DENND1A: variants seen among roughly 807,000 people sequenced by gnomAD.
DENND1A encodes DENN domain containing 1A.
Under a neutral mutation model 113.7 loss-of-function variants are expected in DENND1A, and 51 were observed. That is an observed-to-expected ratio of 0.45 (90% CI 0.36 to 0.57). The LOEUF (loss-of-function observed/expected upper bound fraction) is 0.57. DENND1A is among the 20% of genes least tolerant of loss of function. DENND1A has a pLI of 0.00. For missense variants in DENND1A, 1,258 were observed against 1,395.9 expected, an observed-to-expected ratio of 0.90 and a Z score of 1.57; for synonymous variants, 565 against 570.8, an observed-to-expected ratio of 0.99 and a Z score of 0.14.
At chr9:123,775,717 A>G (rs1332610749) in intron 3 of DENND1A, among the ~76,000 whole-genome samples, 1 of 152,118 alleles carries the variant, frequency 6.6e-6, no homozygotes, top group Non-Finnish European at 1.5e-5. Context: ...TTGTGCCTCT[A>G]TTTCTTAGAA....
At chr9:123,906,348 A>G (rs1216334175) in intron 1 of DENND1A, among the ~76,000 whole-genome samples, 1 of 131,770 alleles carries the variant, frequency 7.6e-6, no homozygotes, top group Non-Finnish European at 1.5e-5. Flanking sequence ...GGCAAGAAAT[A>G]ACTAAAATCA....
intron 19 of DENND1A, among the ~76,000 whole-genome samples, chr9:123,421,371 C>T (rs867958063): frequency 1.1e-4 from 16 of 152,028 alleles, no homozygotes; most frequent in African/African-American, 2.9e-4. Context: ...AGCCCAAGTA[C>T]GCCTGACTCC....
At chr9:123,819,975 T>G (rs1370445040) in intron 2 of DENND1A, among the ~76,000 whole-genome samples, 1 of 152,156 alleles carries the variant, frequency 6.6e-6, no homozygotes, top group Non-Finnish European at 1.5e-5. Context: ...TAAATGACAC[T>G]ATTTGGAGAT....
At chr9:123,653,009 T>C (rs2062741652) in intron 8 of DENND1A, among the ~76,000 whole-genome samples, 1 of 152,182 alleles carries the variant, frequency 6.6e-6, no homozygotes, top group South Asian at 2.1e-4. Flanking sequence ...TTCAATGCCA[T>C]ACAATATAAT....
intron 8 of DENND1A, among the ~76,000 whole-genome samples, chr9:123,661,266 C>G (rs186822297): frequency 1.3e-5 from 2 of 152,318 alleles, no homozygotes; most frequent in Admixed American, 1.3e-4. Flanking sequence ...CTTTCCCACA[C>G]CTCTCCAGAG....
rs116209467 is a variant in DENND1A, at chr9:123,737,948, A to G, written c.302+19755T>C. Reference sequence around the variant, plus strand: ...ACTGATATCCTTCTGGGAAATTTATATGAGAAAATTCTTTCAAACACCATT... The same window carrying G: ...ACTGATATCCTTCTGGGAAATTTATGTGAGAAAATTCTTTCAAACACCATT... On this transcript the variant is annotated intron_variant, in intron 5 of 23. Coordinates refer to ENST00000394215, the MANE Select transcript of DENND1A (RefSeq NM_001352964.2). 3.4e-3 allele frequency among the ~76,000 whole-genome samples: 518 copies of G among 152,310 alleles called. 5 individuals are homozygous for G. Among genetic ancestry groups the G allele is most frequent in the African/African-American group, 0.012 (498 of 41,562 alleles).
At position 123,929,952 on chromosome 9, in the gene DENND1A, G is replaced by A; in HGVS notation, c.-47C>T. The A allele has an allele frequency of 6.7e-6, 2 of 299,252 alleles. No homozygotes were observed. Among genetic ancestry groups the A allele is most frequent in the East Asian group, 5.9e-5 (1 of 17,048 alleles). The allele number at this position is 299,252 out of a possible 1,614,324, so 18.5% of individuals were successfully genotyped here. On this transcript the variant is annotated 5_prime_UTR_variant, in exon 1 of 24. Coordinates refer to ENST00000394215, the MANE Select transcript of DENND1A (RefSeq NM_001352964.2). ...GCCCGCGGGCCCCGCTCGGCGCTGC[G>A]CTGCCCGCCCGCCCGCGGCCGACCG...
At chr9:123,813,296 C>A (rs1836930969) in intron 2 of DENND1A, among the ~76,000 whole-genome samples, 1 of 152,056 alleles carries the variant, frequency 6.6e-6, no homozygotes, top group Non-Finnish European at 1.5e-5. Flanking sequence ...GTCAAGAAAT[C>A]CTTTCGTAAG....
At chr9:123,653,986 T>C (rs545320379) in intron 8 of DENND1A, among the ~76,000 whole-genome samples, 1 of 151,726 alleles carries the variant, frequency 6.6e-6, no homozygotes, top group African/African-American at 2.4e-5. Context: ...GTTTCAAAAC[T>C]AGATCTCCTC....
chr9:123,755,442 C>T (rs147074678), intron 5 of DENND1A, among the ~76,000 whole-genome samples: 144 of 152,016 alleles, frequency 9.5e-4, no homozygotes, highest in African/African-American at 3.2e-3. Flanking sequence ...ACATGCCTGG[C>T]CAATATGTGG....
At chr9:123,665,118 T>TA (rs2063432255) in intron 8 of DENND1A, among the ~76,000 whole-genome samples, 2 of 152,182 alleles carry the variant, frequency 1.3e-5, no homozygotes, top group Admixed American at 1.3e-4. Context: ...AGATGAAAGG[T>TA]AAAAAATCAC....
intron 9 of DENND1A, among the ~76,000 whole-genome samples, chr9:123,638,964 C>G (rs969850594): frequency 3.6e-5 from 5 of 137,312 alleles, no homozygotes; most frequent in African/African-American, 1.4e-4. Context: ...ATCGTGAGTA[C>G]CTATCTGTCA....
chr9:123,666,917 A>G (rs2063520075), intron 8 of DENND1A, 109 bp downstream of exon 8: 1 of 1,115,754 alleles, frequency 9.0e-7, no homozygotes, highest in African/African-American at 1.7e-5. Context: ...TTTAAAAACC[A>G]TAATTTTTAT....
At chr9:123,392,184 C>T (rs756094713) in intron 21 of DENND1A, among the ~76,000 whole-genome samples, 4 of 152,254 alleles carry the variant, frequency 2.6e-5, no homozygotes, top group South Asian at 4.1e-4. Context: ...CTCTCTGCCG[C>T]GCCGGGATCG....
Position 123,381,137 on chromosome 9 carries a change from T to C in DENND1A, c.*295A>G. 1 of 416,598 alleles carries C rather than the reference T, an allele frequency of 2.4e-6. No homozygotes were observed. Among genetic ancestry groups the C allele is most frequent in the Admixed American group, 4.0e-5 (1 of 24,786 alleles). The allele number at this position is 416,598 out of a possible 1,614,324, so 25.8% of individuals were successfully genotyped here. ...AGGACTCGGTCTGGAGCAATATCAT[T>C]GGCCCAGCTGACCTCTTTAGTGCAA... is the stretch of plus-strand genomic sequence containing the variant. On this transcript the variant is annotated 3_prime_UTR_variant, in exon 24 of 24. Coordinates refer to ENST00000394215, the MANE Select transcript of DENND1A (RefSeq NM_001352964.2). The surrounding 1 kb of genome is among the most constrained non-coding windows in gnomAD (Gnocchi z 4.7).
intron 20 of DENND1A, among the ~76,000 whole-genome samples, chr9:123,408,485 C>A (rs1191637268): frequency 6.6e-6 from 1 of 152,104 alleles, no homozygotes; most frequent in East Asian, 1.9e-4. Context: ...TATTGTTAAA[C>A]CCATTTTACA....
intron 13 of DENND1A, among the ~76,000 whole-genome samples, chr9:123,545,633 A>AT (rs1241782279): frequency 6.6e-6 from 1 of 151,720 alleles, no homozygotes; most frequent in African/African-American, 2.4e-5. Flanking sequence ...CACCTGGCTA[A>AT]TTTTTTTGTA....
At chr9:123,396,984 G>A (rs187629208) in intron 21 of DENND1A, among the ~76,000 whole-genome samples, 22 of 152,310 alleles carry the variant, frequency 1.4e-4, no homozygotes, top group African/African-American at 4.1e-4. Flanking sequence ...GCTCAGGTCT[G>A]CTACTAACTA....
intron 13 of DENND1A, among the ~76,000 whole-genome samples, chr9:123,533,867 G>A (rs1358315611): frequency 6.6e-6 from 1 of 152,228 alleles, no homozygotes; most frequent in Non-Finnish European, 1.5e-5. Flanking sequence ...CACGGCCACT[G>A]TGGAAACCCA....
Sources: allele counts gnomAD v4.1 joint callset (sites outside exome capture counted in the v4.1 genomes callset), GRCh38; gene constraint gnomAD v4.1.1; non-coding constraint Gnocchi (gnomAD v3.1); transcripts MANE v1.5; gene names NCBI Gene and HGNC (gene_info 2026-07-23, HGNC 2026-07-21).